The following CCBE1 variants were observed in gnomAD, a reference collection of about 807,000 sequenced individuals.
CCBE1 encodes collagen and calcium-binding EGF domain-containing protein 1.
A neutral mutation model predicts 50.0 loss-of-function variants in CCBE1; 37 were observed. The ratio of observed to expected loss-of-function variants is 0.74; its 90% CI spans 0.57 to 0.97. The LOEUF (loss-of-function observed/expected upper bound fraction) is 0.97, where lower values mean the gene tolerates loss of function less well. Ranked by LOEUF, CCBE1 falls within the 50% of genes least tolerant of loss-of-function variation. The pLI is 0.00. For missense variants in CCBE1, 538 were observed against 523.8 expected (o/e 1.03, Z -0.26); for synonymous variants, 234 against 203.7 (o/e 1.15, Z -1.27).
At chr18:59,516,235 AGTTT>A (rs1398400654) in intron 2 of CCBE1, among the ~76,000 whole-genome samples, 2 of 149,050 alleles carry the variant, frequency 1.3e-5, no homozygotes, top group African/African-American at 2.4e-5. Context: ...CTGGGATTAC[AGTTT>A]GTTTTTTTTT....
chr18:59,659,026 T>A (rs1396857177), intron 2 of CCBE1, among the ~76,000 whole-genome samples: 3 of 151,304 alleles, frequency 2.0e-5, no homozygotes, highest in Non-Finnish European at 4.4e-5. Context: ...CAGCACCACA[T>A]CCCGACAAAT....
At chr18:59,574,433 G>C (rs1219760749) in intron 2 of CCBE1, among the ~76,000 whole-genome samples, 1 of 152,146 alleles carries the variant, frequency 6.6e-6, no homozygotes, top group East Asian at 1.9e-4. Context: ...TTAGAGAAAC[G>C]GGGTCTATAT....
intron 2 of CCBE1, among the ~76,000 whole-genome samples, chr18:59,491,899 A>G (rs529979128): frequency 1.3e-5 from 2 of 151,920 alleles, no homozygotes; most frequent in Non-Finnish European, 2.9e-5. Context: ...TCTGGAGGGC[A>G]CTTTGGGAGG....
At chr18:59,492,932 G>A (rs1389587351) in intron 2 of CCBE1, among the ~76,000 whole-genome samples, 3 of 152,196 alleles carry the variant, frequency 2.0e-5, no homozygotes, top group Non-Finnish European at 4.4e-5. Context: ...ATTACCCAAT[G>A]TGAAAGGAGG....
intron 2 of CCBE1, among the ~76,000 whole-genome samples, chr18:59,612,216 T>G (rs2053577904): frequency 6.7e-6 from 1 of 148,712 alleles, no homozygotes; most frequent in South Asian, 2.1e-4. Flanking sequence ...CATACTCCCT[T>G]AAACCAACAT....
At chr18:59,447,841 G>T in intron 7 of CCBE1, 142 bp downstream of exon 7, 1 of 1,230,650 alleles carries the variant, frequency 8.1e-7, no homozygotes, top group African/African-American at 1.5e-5. Flanking sequence ...CTCATTGCAT[G>T]GGTGTGTGGC....
chr18:59,454,999 C>A (rs1405930705), intron 5 of CCBE1, 48 bp from the exon 6 acceptor site: 3 of 1,462,492 alleles, frequency 2.1e-6, no homozygotes, highest in Admixed American at 3.3e-5. Flanking sequence ...TGGATGCAAG[C>A]CAGACCCAGA....
chr18:59,636,953 T>C (rs1050462707), intron 2 of CCBE1, among the ~76,000 whole-genome samples: 3 of 152,216 alleles, frequency 2.0e-5, no homozygotes, highest in African/African-American at 4.8e-5. Flanking sequence ...CATTAATCTT[T>C]GGTGTGACTT....
chr18:59,685,662 C>T (rs1209516659), intron 2 of CCBE1, among the ~76,000 whole-genome samples: 2 of 152,226 alleles, frequency 1.3e-5, no homozygotes, highest in Non-Finnish European at 2.9e-5. Context: ...TGAAAGGTGG[C>T]AAGCCAAGGT....
intron 2 of CCBE1, among the ~76,000 whole-genome samples, chr18:59,526,194 A>G (rs1457554317): frequency 6.6e-6 from 1 of 151,356 alleles, no homozygotes; most frequent in Non-Finnish European, 1.5e-5. Context: ...TCGTGTATCT[A>G]TCTCCTTCAG....
At chr18:59,623,620 TCA>T (rs1427297308) in intron 2 of CCBE1, among the ~76,000 whole-genome samples, 13 of 152,178 alleles carry the variant, frequency 8.5e-5, no homozygotes, top group Admixed American at 8.5e-4. Context: ...TTTCAAACTC[TCA>T]CAAGTCTTAT....
chr18:59,643,746 G>T (rs8099187), intron 2 of CCBE1, among the ~76,000 whole-genome samples: 4 of 151,536 alleles, frequency 2.6e-5, no homozygotes, highest in Admixed American at 6.6e-5. Context: ...GTTTGAACCC[G>T]CAGGGGTAGA....
intron 2 of CCBE1, among the ~76,000 whole-genome samples, chr18:59,508,711 C>CTTTTTTTTTTTTTTTTTTTTTTT (rs55881131): frequency 2.1e-5 from 2 of 95,682 alleles, no homozygotes; most frequent in African/African-American, 9.1e-5. Flanking sequence ...TAGAGTTACG[C>CTTTTTTTTTTTTTTTTTTTTTTT]TTTTTTTTTT....
chr18:59,525,892 G>A (rs1002407868), intron 2 of CCBE1, among the ~76,000 whole-genome samples: 4 of 152,168 alleles, frequency 2.6e-5, no homozygotes, highest in Non-Finnish European at 5.9e-5. Context: ...AGGAGCAGAT[G>A]GTTGTAGATG....
intron 2 of CCBE1, among the ~76,000 whole-genome samples, chr18:59,672,384 C>T (rs2054443832): frequency 6.6e-6 from 1 of 152,236 alleles, no homozygotes; most frequent in Non-Finnish European, 1.5e-5. Context: ...GCAATGAAAG[C>T]AGCCTGTGCT....
intron 2 of CCBE1, among the ~76,000 whole-genome samples, chr18:59,487,949 T>A (rs897508471): frequency 5.3e-5 from 8 of 152,200 alleles, no homozygotes; most frequent in African/African-American, 1.9e-4. Flanking sequence ...CATCCCAATG[T>A]CCATCAATGG....
chr18:59,687,351 C>T (rs953140043), intron 2 of CCBE1, among the ~76,000 whole-genome samples: 6 of 152,148 alleles, frequency 3.9e-5, no homozygotes, highest in African/African-American at 1.2e-4. Context: ...GTCCACATAA[C>T]GTTAAATTTT....
intron 2 of CCBE1, among the ~76,000 whole-genome samples, chr18:59,539,806 A>G (rs566363504): frequency 6.6e-6 from 1 of 152,374 alleles, no homozygotes; most frequent in East Asian, 1.9e-4. Context: ...AGAATCAACC[A>G]AAATTTTCAA....
At chr18:59,696,883 C>T (rs1268853225) in intron 1 of CCBE1, among the ~76,000 whole-genome samples, 174 bp from the exon 2 acceptor site, 2 of 152,172 alleles carry the variant, frequency 1.3e-5, no homozygotes, top group Non-Finnish European at 2.9e-5. Context: ...AGGGACGAGC[C>T]ACGCGAGGGT....
Sources: gnomAD v4.1 joint callset for allele counts (sites outside exome capture counted in the v4.1 genomes callset) on GRCh38, gnomAD v4.1.1 for gene constraint, MANE v1.5 for transcripts, NCBI Gene and HGNC (gene_info 2026-07-23, HGNC 2026-07-21) for gene names.